TRPM3: variants seen among roughly 807,000 people sequenced by gnomAD.
TRPM3 encodes transient receptor potential cation channel subfamily M member 3.
A neutral mutation model predicts 181.2 loss-of-function variants in TRPM3; 77 were observed. The ratio of observed to expected loss-of-function variants is 0.42; its 90% CI spans 0.35 to 0.51. The LOEUF (loss-of-function observed/expected upper bound fraction) is 0.51. TRPM3 is among the 20% of genes least tolerant of loss of function. The probability of loss-of-function intolerance (pLI) is 0.01; values close to 1 mark genes in which losing one functional copy is unlikely to be tolerated. For synonymous variants in TRPM3, 745 were observed against 796.4 expected, an observed-to-expected ratio of 0.94 and a Z score of 1.09; for missense variants, 1,759 against 2,196.7, an observed-to-expected ratio of 0.80 and a Z score of 3.98.
At chr9:71,234,075 G>A (rs73647973) in intron 1 of TRPM3, among the ~76,000 whole-genome samples, 2,859 of 152,240 alleles carry the variant, frequency 0.019, 98 homozygotes, top group African/African-American at 0.066. Context: ...GCTTAAGATC[G>A]CTAATGAGGT....
intron 1 of TRPM3, among the ~76,000 whole-genome samples, chr9:71,008,004 A>G (rs537941359): frequency 2.0e-5 from 3 of 152,210 alleles, no homozygotes; most frequent in African/African-American, 7.2e-5. Context: ...TTTTGAAAAG[A>G]TAAATAATAT....
chr9:71,096,588 A>ACTCTCTCTCTCT (rs1256142555), intron 1 of TRPM3, among the ~76,000 whole-genome samples: 34 of 96,928 alleles, frequency 3.5e-4, no homozygotes, highest in African/African-American at 1.4e-3. Flanking sequence ...ACACACACAC[A>ACTCTCTCTCTCT]CACTCTCTCT....
chr9:71,393,369 C>T (rs1156708340), intron 1 of TRPM3, among the ~76,000 whole-genome samples: 1 of 151,974 alleles, frequency 6.6e-6, no homozygotes, highest in Non-Finnish European at 1.5e-5. Context: ...CAGAACAGTA[C>T]CTAGCCTAGG....
chr9:70,759,941 C>T (rs1258605902), intron 8 of TRPM3, among the ~76,000 whole-genome samples: 3 of 152,050 alleles, frequency 2.0e-5, no homozygotes, highest in Non-Finnish European at 4.4e-5. Context: ...GAATGTTCTA[C>T]ACAAGTATCC....
At position 70,536,650 on chromosome 9, in the gene TRPM3, T is replaced by G. The variant is rs1258613878; in HGVS notation, c.4463A>C (p.Tyr1488Ser). Residue 1488 changes from tyrosine (Y) to serine (S), a missense_variant, in exon 26 of 26, where the codon TAC becomes TCC. Physicochemically the swap from Tyr to Ser is moderately radical, Grantham distance 144 (BLOSUM62 -2). Transcript: ENST00000677713. ...SMDTRSFSSDYTHLPECQNPW... is the reference protein window; with the variant it reads ...SMDTRSFSSDSTHLPECQNPW... ...GTTTTGGCATTCTGGGAGGTGGGTG[T>G]AGTCTGAAGAAAAAGATCTAGTGTC... 1.2e-6 allele frequency: 2 copies of G among 1,613,918 alleles called. No individual in the cohort carries two copies. The highest frequency in any genetic ancestry group is 1.7e-5 in the Admixed American group (1 of 59,980).
At chr9:71,187,885 CAGATGAT>C (rs1367295357) in intron 1 of TRPM3, among the ~76,000 whole-genome samples, 1 of 147,688 alleles carries the variant, frequency 6.8e-6, no homozygotes, top group African/African-American at 2.5e-5. Context: ...GACAGGCAGA[CAGATGAT>C]AGATAGATAG....
chr9:70,556,025 G>T (rs148493695), intron 22 of TRPM3, among the ~76,000 whole-genome samples: 1 of 152,164 alleles, frequency 6.6e-6, no homozygotes, highest in Non-Finnish European at 1.5e-5. Flanking sequence ...TTGAGGGAAG[G>T]CCATGAAGAC....
At chr9:71,023,651 T>G (rs1229325069) in intron 1 of TRPM3, among the ~76,000 whole-genome samples, 1 of 151,596 alleles carries the variant, frequency 6.6e-6, no homozygotes, top group African/African-American at 2.4e-5. Flanking sequence ...AAGAAACAAA[T>G]TTTTGATGTA....
Position 70,791,187 on chromosome 9 carries a change from C to A in TRPM3, c.974-6908G>T, listed in dbSNP as rs192856819. The stretch of plus-strand genomic sequence containing the variant: ...TCTTTTATTGAAAATCCATGAGGTA[C>A]CCAATTGGTGAATGCCAGACCCAAT... On this transcript the variant is annotated intron_variant, in intron 6 of 25. Transcript: ENST00000677713. Among the ~76,000 whole-genome samples, 22 of 152,256 alleles carry A rather than the reference C, an allele frequency of 1.4e-4. 1 individual carries two copies. In the East Asian group the frequency reaches 3.1e-3, roughly 21 times the overall value.
intron 1 of TRPM3, among the ~76,000 whole-genome samples, chr9:70,973,899 A>G (rs766202673): frequency 6.6e-6 from 1 of 152,248 alleles, no homozygotes; most frequent in Non-Finnish European, 1.5e-5. Flanking sequence ...CAACAGACAG[A>G]GGGTATTCTA....
At chr9:70,606,189 T>C (rs1179486867) in intron 19 of TRPM3, among the ~76,000 whole-genome samples, 1 of 152,162 alleles carries the variant, frequency 6.6e-6, no homozygotes, top group East Asian at 1.9e-4. Context: ...TGACTGGGGA[T>C]CTATATATCT....
At chr9:71,124,494 T>C (rs1338344515), upstream of TRPM3, among the ~76,000 whole-genome samples, 1 of 152,204 alleles carries the variant, frequency 6.6e-6, no homozygotes, top group East Asian at 1.9e-4. Context: ...AAGCAGGGCA[T>C]ATCAGATTTC....
Position 70,846,573 on chromosome 9 carries a change from C to T in TRPM3, c.481G>A (p.Asp161Asn), listed in dbSNP as rs1046309625. 10 of 1,613,900 alleles carry T rather than the reference C, an allele frequency of 6.2e-6. No individual in the cohort carries two copies. The highest frequency in any genetic ancestry group is 8.5e-6 in the Non-Finnish European group (10 of 1,179,972). The part of the protein sequence containing the change: ...NKAMYVRVSF[D>N]TKPDLLLHLM... ...TGTAAGAGGAGATCAGGTTTTGTATCAAAAGATACTCGCACATACTGGAAG... is the reference window on the plus strand; with the variant it reads ...TGTAAGAGGAGATCAGGTTTTGTATTAAAAGATACTCGCACATACTGGAAG... The change falls in exon 4 of 26, where the codon GAT becomes AAT. Residue 161 changes from aspartate (D) to asparagine (N), a missense_variant. Physicochemically the swap from Asp to Asn is conservative, Grantham distance 23 (BLOSUM62 1). This residue lies in a region of TRPM3 where 737 missense variants were observed against 957.4 expected (regional missense o/e 0.77). Coordinates refer to ENST00000677713, the MANE Select transcript of TRPM3 (RefSeq NM_001366145.2).
chr9:71,391,968 G>A (rs551255482), intron 1 of TRPM3, among the ~76,000 whole-genome samples: 1 of 152,058 alleles, frequency 6.6e-6, no homozygotes, highest in Non-Finnish European at 1.5e-5. Context: ...AAAATTTAAA[G>A]ATAGAAGTTA....
Position 70,761,724 on chromosome 9 carries a change from T to C in TRPM3, c.1149A>G (p.Gly383=), listed in dbSNP as rs1247574344. The change falls in exon 8 of 26, where the codon GGA becomes GGG. Residue 383 remains glycine, a splice_region_variant and synonymous_variant. Coordinates refer to ENST00000677713, the MANE Select transcript of TRPM3 (RefSeq NM_001366145.2). ...AFGHKYSEEG[G]LINESLRDQL... is the part of the protein sequence containing the mutation. ...GGTCCCTCAAAGATTCATTTATCAGTCTGCAAGTAAAAACAATGTCAAAAG... is the reference window on the plus strand; with the variant it reads ...GGTCCCTCAAAGATTCATTTATCAGCCTGCAAGTAAAAACAATGTCAAAAG... 1 of 1,607,658 alleles carries C rather than the reference T, an allele frequency of 6.2e-7. No homozygotes were observed. Among genetic ancestry groups the C allele is most frequent in the Admixed American group, 1.7e-5 (1 of 59,690 alleles).
intron 1 of TRPM3, among the ~76,000 whole-genome samples, chr9:70,895,033 C>T (rs751617351): frequency 1.3e-5 from 2 of 152,106 alleles, no homozygotes; most frequent in South Asian, 4.1e-4. Context: ...TCTTCATCAG[C>T]CCAAAGATGC....
At chr9:70,950,787 T>C (rs2096989731) in intron 1 of TRPM3, among the ~76,000 whole-genome samples, 1 of 152,148 alleles carries the variant, frequency 6.6e-6, no homozygotes, top group Non-Finnish European at 1.5e-5. Context: ...TCAGAGCGCA[T>C]CTACCTTGCT....
chr9:70,574,397 G>A (rs1006305429), intron 22 of TRPM3, among the ~76,000 whole-genome samples: 1 of 152,004 alleles, frequency 6.6e-6, no homozygotes, highest in Admixed American at 6.6e-5. Flanking sequence ...CCCCTGCCTG[G>A]GCTCTTTTCC....
chr9:71,294,391 A>G (rs2086081143), intron 1 of TRPM3, among the ~76,000 whole-genome samples: 1 of 152,092 alleles, frequency 6.6e-6, no homozygotes. Context: ...TTAGTAAGCA[A>G]GGAAATGCAA....
Sources: allele counts gnomAD v4.1 joint callset (sites outside exome capture counted in the v4.1 genomes callset), GRCh38; gene constraint gnomAD v4.1.1; regional missense constraint gnomAD v4.1.1; transcripts MANE v1.5; gene names NCBI Gene and HGNC (gene_info 2026-07-23, HGNC 2026-07-21).